The following SLC16A10 variants were observed in gnomAD, a reference collection of about 807,000 sequenced individuals.
SLC16A10 encodes the protein monocarboxylate transporter 10.
In SLC16A10, 27 loss-of-function variants were observed where a neutral mutation model predicts 40.0. That is an observed-to-expected ratio of 0.67 (90% CI 0.50 to 0.93). The LOEUF (loss-of-function observed/expected upper bound fraction) is 0.93. Among genes scored for constraint, SLC16A10 ranks in the 40% least tolerant of loss-of-function variants. The pLI is 0.00. For missense variants in SLC16A10, 529 were observed against 658.2 expected (o/e 0.80, Z 2.15); for synonymous variants, 213 against 249.8 (o/e 0.85, Z 1.39).
At chr6:111,114,203 A>C (rs1771443201) in intron 1 of SLC16A10, among the ~76,000 whole-genome samples, 1 of 152,230 alleles carries the variant, frequency 6.6e-6, no homozygotes, top group Non-Finnish European at 1.5e-5. Context: ...TGTCTTACTT[A>C]AATGTCTTCT....
intron 1 of SLC16A10, among the ~76,000 whole-genome samples, chr6:111,154,949 G>C (rs1397793400): frequency 6.8e-6 from 1 of 147,282 alleles, no homozygotes; most frequent in Non-Finnish European, 1.5e-5. Context: ...CTTGAACCCA[G>C]TAGGTGGAGG....
At chr6:111,092,315 G>GT (rs1173275647) in intron 1 of SLC16A10, among the ~76,000 whole-genome samples, 31,606 of 98,460 alleles carry the variant, frequency 0.32, 5,409 homozygotes, top group African/African-American at 0.38. Flanking sequence ...TTTTTTTGTT[G>GT]TTTTTTTTTT....
chr6:111,177,756 T>C, intron 3 of SLC16A10, 91 bp downstream of exon 3: 1 of 1,157,684 alleles, frequency 8.6e-7, no homozygotes, highest in Non-Finnish European at 1.2e-6. Flanking sequence ...AAAGTTGGCC[T>C]CAAACATTAT....
chr6:111,168,644 A>C (rs977568222), intron 1 of SLC16A10, among the ~76,000 whole-genome samples: 1 of 152,250 alleles, frequency 6.6e-6, no homozygotes, highest in Admixed American at 6.5e-5. Context: ...TAACTAATCC[A>C]ATCATTAATT....
chr6:111,178,541 T>G, intron 3 of SLC16A10: 1 of 400,280 alleles, frequency 2.5e-6, no homozygotes. Flanking sequence ...GGAGACTTCA[T>G]CCCTACCTGG....
At chr6:111,135,006 A>T (rs529445989) in intron 1 of SLC16A10, among the ~76,000 whole-genome samples, 1 of 152,282 alleles carries the variant, frequency 6.6e-6, no homozygotes, top group South Asian at 2.1e-4. Context: ...CAGGACAGCC[A>T]GTCACTAGAT....
At chr6:111,140,203 C>T (rs1771956898) in intron 1 of SLC16A10, among the ~76,000 whole-genome samples, 1 of 152,188 alleles carries the variant, frequency 6.6e-6, no homozygotes, top group Non-Finnish European at 1.5e-5. Context: ...GGCTAATTGC[C>T]TCTAATCCCA....
At chr6:111,108,580 T>C (rs1329158335) in intron 1 of SLC16A10, among the ~76,000 whole-genome samples, 1 of 152,180 alleles carries the variant, frequency 6.6e-6, no homozygotes, top group Non-Finnish European at 1.5e-5. Context: ...CTTTAGTGAA[T>C]TTTTTGAGGT....
chr6:111,177,647 T>G lies in SLC16A10; in HGVS notation c.924T>G (p.Phe308Leu). The G allele has an allele frequency of 1.3e-6, 2 of 1,555,094 alleles. No individual in the cohort carries two copies. The highest frequency in any genetic ancestry group is 1.7e-6 in the Non-Finnish European group (2 of 1,151,924). The part of the protein sequence containing the change: ...VGIPLALFGY[F>L]VPYVHLMKHV... ...TACCACTTGCACTTTTTGGATACTT[T>G]GTGCCTTATGTTCACTTGGTGAGTA... The change falls in exon 3 of 6, where the codon TTT becomes TTG. Residue 308 changes from phenylalanine to leucine, a missense_variant. Transcript: ENST00000368851.
intron 1 of SLC16A10, among the ~76,000 whole-genome samples, chr6:111,094,497 G>A (rs922331805): frequency 1.3e-5 from 2 of 152,096 alleles, no homozygotes; most frequent in Non-Finnish European, 2.9e-5. Flanking sequence ...CAGAAACCTG[G>A]AATGTATCTT....
intron 1 of SLC16A10, among the ~76,000 whole-genome samples, chr6:111,157,905 T>TAA (rs1157172457): frequency 8.5e-6 from 1 of 117,588 alleles, no homozygotes. Flanking sequence ...TATATCCGAC[T>TAA]AAAAAAAAAA....
chr6:111,170,018 A>G (rs1363167952), intron 1 of SLC16A10, among the ~76,000 whole-genome samples: 2 of 149,630 alleles, frequency 1.3e-5, no homozygotes, highest in Non-Finnish European at 3.0e-5. Flanking sequence ...CCAAGGTTCA[A>G]GCAATTCTTG....
intron 1 of SLC16A10, among the ~76,000 whole-genome samples, chr6:111,089,100 T>C (rs1005903442): frequency 2.0e-5 from 3 of 152,154 alleles, no homozygotes; most frequent in African/African-American, 4.8e-5. Context: ...ATATGATTAA[T>C]AGTCTTTTTT....
At chr6:111,105,762 C>CGTGCT (rs1562398877) in intron 1 of SLC16A10, among the ~76,000 whole-genome samples, 1 of 152,190 alleles carries the variant, frequency 6.6e-6, no homozygotes, top group Non-Finnish European at 1.5e-5. Context: ...TGTTGACTCA[C>CGTGCT]GTGCTGTCCT....
intron 4 of SLC16A10, among the ~76,000 whole-genome samples, chr6:111,208,157 T>C (rs1773285636): frequency 6.6e-6 from 1 of 152,112 alleles, no homozygotes; most frequent in African/African-American, 2.4e-5. Flanking sequence ...TTGTTTTTTT[T>C]CTGTAGTAAC....
intron 1 of SLC16A10, among the ~76,000 whole-genome samples, chr6:111,160,105 G>A (rs1270099093): frequency 1.3e-5 from 2 of 152,078 alleles, no homozygotes; most frequent in Non-Finnish European, 2.9e-5. Flanking sequence ...GTCTTTCAAA[G>A]AGAAGTTCTT....
At chr6:111,153,283 G>A (rs112915019) in intron 1 of SLC16A10, among the ~76,000 whole-genome samples, 1,822 of 152,150 alleles carry the variant, frequency 0.012, 26 homozygotes, top group African/African-American at 0.042. Context: ...GCCTGTAATC[G>A]CAGCACTTTG....
At chr6:111,192,870 G>A (rs1248560105) in intron 3 of SLC16A10, among the ~76,000 whole-genome samples, 1 of 152,120 alleles carries the variant, frequency 6.6e-6, no homozygotes, top group Non-Finnish European at 1.5e-5. Context: ...ATTCAATTAA[G>A]TCCCACCAGG....
chr6:111,134,115 C>T (rs573802406), intron 1 of SLC16A10, among the ~76,000 whole-genome samples: 4 of 152,244 alleles, frequency 2.6e-5, no homozygotes, highest in Non-Finnish European at 2.9e-5. Flanking sequence ...AGGATGACAA[C>T]GGAGGAAAGA....
Sources: allele counts gnomAD v4.1 joint callset (sites outside exome capture counted in the v4.1 genomes callset), GRCh38; gene constraint gnomAD v4.1.1; transcripts MANE v1.5; gene names NCBI Gene and HGNC (gene_info 2026-07-23, HGNC 2026-07-21).